The following CHRM2 variants were observed in gnomAD, a reference collection of about 807,000 sequenced individuals.
The protein encoded by CHRM2 is cholinergic receptor muscarinic 2.
A neutral mutation model predicts 25.0 loss-of-function variants in CHRM2; 8 were observed. That is an observed-to-expected ratio of 0.32 (90% CI 0.19 to 0.58). The LOEUF (loss-of-function observed/expected upper bound fraction) is 0.58. Ranked by LOEUF, CHRM2 falls within the 20% of genes least tolerant of loss-of-function variation. The probability of loss-of-function intolerance (pLI) is 0.88; values close to 1 mark genes in which losing one functional copy is unlikely to be tolerated. For synonymous variants in CHRM2, 202 were observed against 205.7 expected (o/e 0.98, Z 0.15); for missense variants, 440 against 567.1 (o/e 0.78, Z 2.28).
chr7:136,974,430 A>G (rs1451393023), intron 2 of CHRM2, among the ~76,000 whole-genome samples: 1 of 152,196 alleles, frequency 6.6e-6, no homozygotes, highest in Non-Finnish European at 1.5e-5. Context: ...TGAAAATTGG[A>G]GGAAATAGCA....
intron 2 of CHRM2, among the ~76,000 whole-genome samples, chr7:136,966,993 C>T (rs1043519299): frequency 4.6e-5 from 7 of 151,700 alleles, no homozygotes; most frequent in Non-Finnish European, 4.4e-5. Context: ...TTACACTGAT[C>T]GTTTAGGGAC....
At chr7:136,890,452 G>A (rs4475425) in intron 2 of CHRM2, among the ~76,000 whole-genome samples, 46,176 of 152,094 alleles carry the variant, frequency 0.3, 7,648 homozygotes, top group African/African-American at 0.42. Context: ...TTCCTTTGCC[G>A]AATTTCAAAA....
intron 2 of CHRM2, among the ~76,000 whole-genome samples, chr7:136,889,557 G>C (rs572975638): frequency 1.3e-5 from 2 of 152,214 alleles, no homozygotes; most frequent in Middle Eastern, 3.4e-3. Context: ...TTTCCACAAA[G>C]GGTGATTCTC....
chr7:136,961,624 G>A (rs1372204563), intron 2 of CHRM2, among the ~76,000 whole-genome samples: 1 of 152,036 alleles, frequency 6.6e-6, no homozygotes, highest in South Asian at 2.1e-4. Context: ...TAAAAATTAG[G>A]ACAATTGTTG....
intron 3 of CHRM2, among the ~76,000 whole-genome samples, chr7:137,003,965 G>A (rs969319120): frequency 8.5e-5 from 13 of 152,078 alleles, no homozygotes; most frequent in African/African-American, 2.9e-4. Flanking sequence ...CTTCTGCCAT[G>A]CTTGTAAGTT....
chr7:136,951,631 G>A (rs1276601575), intron 2 of CHRM2, among the ~76,000 whole-genome samples: 4 of 152,154 alleles, frequency 2.6e-5, no homozygotes, highest in Non-Finnish European at 1.5e-5. Flanking sequence ...CTTTCCTAAT[G>A]ATATCCGGAA....
intron 2 of CHRM2, among the ~76,000 whole-genome samples, chr7:136,898,083 T>C (rs1797001525): frequency 6.6e-6 from 1 of 152,134 alleles, no homozygotes; most frequent in African/African-American, 2.4e-5. Context: ...TTCTGGTTAT[T>C]AGAAACTTTA....
chr7:136,990,476 G>A lies in CHRM2; in HGVS notation c.-124-1711G>A, dbSNP rs532540025. ...ATATAGTTGGATTCATACAGTATGC[G>A]GTCTTTTCATATTGCTGTCTCTCAC... On this transcript the variant is annotated intron_variant, in intron 2 of 3. Coordinates refer to ENST00000680005, the MANE Select transcript of CHRM2 (RefSeq NM_001006630.2). 5.9e-5 allele frequency among the ~76,000 whole-genome samples: 9 copies of A among 152,002 alleles called. No individual in the cohort carries two copies. The South Asian group carries it at 1.0e-3, about 18-fold the overall frequency.
chr7:136,890,985 G>A lies in CHRM2; in HGVS notation c.-125+21567G>A, dbSNP rs556403977. On this transcript the variant is annotated intron_variant, in intron 2 of 3. Coordinates refer to ENST00000680005, the MANE Select transcript of CHRM2 (RefSeq NM_001006630.2). ...CTCCTTTCTTTCTCACCTTATAAAC[G>A]ATCCACTAATTGCTAAGTTCAGAAA... 1.4e-4 allele frequency among the ~76,000 whole-genome samples: 22 copies of A among 152,166 alleles called. No homozygotes were observed. In the South Asian group the frequency reaches 3.9e-3, roughly 27 times the overall value.
chr7:136,902,367 G>T (rs1797273681), intron 2 of CHRM2: 1 of 151,972 alleles, frequency 6.6e-6, no homozygotes, highest in African/African-American at 2.4e-5. Flanking sequence ...TTGAATTTAG[G>T]TGGCAAATTC....
chr7:136,961,131 A>T (rs1421718067), intron 2 of CHRM2, among the ~76,000 whole-genome samples: 20 of 152,296 alleles, frequency 1.3e-4, no homozygotes, highest in Admixed American at 1.3e-4. Context: ...TTAAAAAAAA[A>T]AATTAATTAA....
At chr7:137,013,321 A>G (rs1402254268) in intron 3 of CHRM2, among the ~76,000 whole-genome samples, 2 of 151,200 alleles carry the variant, frequency 1.3e-5, no homozygotes, top group Non-Finnish European at 2.9e-5. Flanking sequence ...CTGGAAAACA[A>G]TTGACTTTCC....
intron 3 of CHRM2, among the ~76,000 whole-genome samples, chr7:137,007,813 C>A (rs529404113): frequency 1.1e-4 from 16 of 152,196 alleles, no homozygotes; most frequent in African/African-American, 3.8e-4. Flanking sequence ...AAACTGTGTA[C>A]AATTGAACCT....
intron 3 of CHRM2, among the ~76,000 whole-genome samples, chr7:137,000,884 T>C (rs1007008934): frequency 6.6e-6 from 1 of 152,328 alleles, no homozygotes; most frequent in South Asian, 2.1e-4. Flanking sequence ...TATGAAAATA[T>C]TGTTTGAGTT....
At chr7:136,920,873 C>T (rs963570185) in intron 2 of CHRM2, among the ~76,000 whole-genome samples, 7 of 152,026 alleles carry the variant, frequency 4.6e-5, no homozygotes, top group South Asian at 2.1e-4. Context: ...GTTACTATCA[C>T]GAAAAATTCT....
At position 136,913,144 on chromosome 7, in the gene CHRM2, TTGAG is replaced by T. The variant is rs1470556949; in HGVS notation, c.-125+43728_-125+43731del. Among the ~76,000 whole-genome samples the T allele has an allele frequency of 3.3e-5, 5 of 152,078 alleles. No individual in the cohort carries two copies. The East Asian group carries it at 9.7e-4, about 30-fold the overall frequency. On this transcript the variant is annotated intron_variant, in intron 2 of 3. Transcript: ENST00000680005. ...AAGCTCCTGACAAACTGTATAACAA[TTGAG>T]TATTAAATACCTATCCAAATGCTTT...
At chr7:136,946,623 C>T (rs991886479) in intron 2 of CHRM2, among the ~76,000 whole-genome samples, 3 of 152,146 alleles carry the variant, frequency 2.0e-5, no homozygotes, top group African/African-American at 7.2e-5. Context: ...ACTCCCAATA[C>T]AGAATGTATA....
At chr7:137,008,740 A>G (rs324648) in intron 3 of CHRM2, among the ~76,000 whole-genome samples, 21,701 of 152,006 alleles carry the variant, frequency 0.14, 1,846 homozygotes, top group African/African-American at 0.22. Flanking sequence ...CATTAGGTGA[A>G]TTCCTCTTCA....
intron 2 of CHRM2, among the ~76,000 whole-genome samples, chr7:136,875,084 T>C (rs1795997252): frequency 6.7e-6 from 1 of 149,660 alleles, no homozygotes; most frequent in Non-Finnish European, 1.5e-5. Context: ...TATACACATA[T>C]ATACATATAT....
Sources: allele counts gnomAD v4.1 joint callset (sites outside exome capture counted in the v4.1 genomes callset), GRCh38; gene constraint gnomAD v4.1.1; transcripts MANE v1.5; gene names NCBI Gene and HGNC (gene_info 2026-07-23, HGNC 2026-07-21).